The following RBFOX1 variants were observed in gnomAD, a reference collection of about 807,000 sequenced individuals.
RBFOX1 encodes the protein RNA binding protein fox-1 homolog 1.
A neutral mutation model predicts 57.7 loss-of-function variants in RBFOX1; 8 were observed. The observed-to-expected ratio is 0.14, with a 90% confidence interval of 0.08 to 0.25. RBFOX1 has a LOEUF of 0.25. Ranked by LOEUF, RBFOX1 falls within the 10% of genes least tolerant of loss-of-function variation. RBFOX1 has a pLI of 1.00. For synonymous variants in RBFOX1, 326 were observed against 222.4 expected (o/e 1.47, Z -4.15); for missense variants, 611 against 548.5 (o/e 1.11, Z -1.14).
At chr16:7,095,249 G>A (rs1035791772) in intron 4 of RBFOX1, among the ~76,000 whole-genome samples, 7 of 152,070 alleles carry the variant, frequency 4.6e-5, no homozygotes, top group African/African-American at 9.7e-5. Context: ...CGATTCTCCT[G>A]CCTCAGCCTA....
intron 3 of RBFOX1, among the ~76,000 whole-genome samples, chr16:6,973,472 C>T (rs183146230): frequency 6.6e-6 from 1 of 152,230 alleles, no homozygotes; most frequent in East Asian, 1.9e-4. Context: ...CTGTTGTGGA[C>T]CCAACTAGGA....
rs140986322 is a variant in RBFOX1, at chr16:7,409,267, C to G, written c.28-108880C>G. Among the ~76,000 whole-genome samples the G allele has an allele frequency of 4.1e-3, 624 of 152,292 alleles. 9 individuals are homozygous for G. The highest frequency in any genetic ancestry group is 3.3e-3 in the Non-Finnish European group (225 of 68,030). On this transcript the variant is annotated intron_variant, in intron 4 of 15. Transcript: ENST00000550418. ...CCTAATGTCAACCCTGTTAGAGGAG[C>G]TTTGTCCGATCTGCCTGTAGCTTTG...
chr16:7,103,124 C>G (rs1217419110), intron 4 of RBFOX1, among the ~76,000 whole-genome samples: 2 of 151,510 alleles, frequency 1.3e-5, no homozygotes, highest in African/African-American at 4.8e-5. Context: ...GCTTTCCAAG[C>G]TGTCGGACCA....
chr16:7,300,213 C>T (rs1321274216), intron 4 of RBFOX1, among the ~76,000 whole-genome samples: 3 of 152,156 alleles, frequency 2.0e-5, no homozygotes, highest in African/African-American at 7.2e-5. Context: ...TTACTTTCTG[C>T]TGCCCCTCCC....
At chr16:5,625,554 A>ATTTATTTC (rs2048325996) in intron 3 of RBFOX1, among the ~76,000 whole-genome samples, 1 of 150,538 alleles carries the variant, frequency 6.6e-6, no homozygotes, top group Non-Finnish European at 1.5e-5. Flanking sequence ...TTACTTATTT[A>ATTTATTTC]TTTATTTATT....
chr16:7,022,676 G>A (rs2039661701), intron 3 of RBFOX1, among the ~76,000 whole-genome samples: 1 of 152,140 alleles, frequency 6.6e-6, no homozygotes, highest in Non-Finnish European at 1.5e-5. Flanking sequence ...ACATGTAGCA[G>A]ATGAAAGCAG....
chr16:5,868,367 T>A (rs539438671), intron 4 of RBFOX1, among the ~76,000 whole-genome samples: 1 of 152,198 alleles, frequency 6.6e-6, no homozygotes, highest in Non-Finnish European at 1.5e-5. Context: ...TTTTTCAAGT[T>A]CAAGAAATTG....
chr16:7,250,246 GATTAGCC>G (rs370176475), intron 4 of RBFOX1, among the ~76,000 whole-genome samples: 17 of 152,280 alleles, frequency 1.1e-4, no homozygotes, highest in African/African-American at 3.4e-4. Context: ...GACATTTGTG[GATTAGCC>G]ATTAGGTGAA....
chr16:6,628,103 G>A (rs2098334327), intron 2 of RBFOX1, among the ~76,000 whole-genome samples: 1 of 152,176 alleles, frequency 6.6e-6, no homozygotes, highest in African/African-American at 2.4e-5. Flanking sequence ...AGGAGGCAAA[G>A]TTTTTCCACT....
intron 1 of RBFOX1, among the ~76,000 whole-genome samples, chr16:6,217,174 C>CTTTTTTTTTTTTTTT (rs71142697): frequency 8.4e-6 from 1 of 119,058 alleles, no homozygotes; most frequent in Non-Finnish European, 1.6e-5. Flanking sequence ...TTAGGGGATT[C>CTTTTTTTTTTTTTTT]TTTTTTTTTT....
intron 1 of RBFOX1, among the ~76,000 whole-genome samples, chr16:5,454,947 C>CTTTCTTTCTTTCT (rs1567535782): frequency 2.8e-4 from 13 of 45,718 alleles, no homozygotes; most frequent in African/African-American, 9.6e-4. Flanking sequence ...TCCTTCCTTC[C>CTTTCTTTCTTTCT]TTCCTTCCTT....
chr16:7,301,084 T>C (rs921715103), intron 4 of RBFOX1, among the ~76,000 whole-genome samples: 7 of 152,128 alleles, frequency 4.6e-5, no homozygotes, highest in African/African-American at 1.2e-4. Flanking sequence ...TCTTTTGAGA[T>C]GGAATTCAAA....
intron 4 of RBFOX1, among the ~76,000 whole-genome samples, chr16:7,096,022 A>AG (rs953135637): frequency 1.3e-5 from 2 of 151,440 alleles, no homozygotes; most frequent in Non-Finnish European, 2.9e-5. Flanking sequence ...CAAAAAAAAA[A>AG]AAAAAAAGAA....
chr16:5,257,786 C>G (rs982386501), intron 1 of RBFOX1, among the ~76,000 whole-genome samples: 1 of 152,124 alleles, frequency 6.6e-6, no homozygotes, highest in Admixed American at 6.5e-5. Flanking sequence ...TACTTTGTCT[C>G]GACTTCCTCT....
chr16:6,880,364 A>G (rs1443076645), intron 3 of RBFOX1, among the ~76,000 whole-genome samples: 1 of 152,168 alleles, frequency 6.6e-6, no homozygotes, highest in African/African-American at 2.4e-5. Context: ...TTAGTATTAT[A>G]CTTTCCACTT....
At chr16:7,507,623 G>A (rs1318338258) in intron 4 of RBFOX1, among the ~76,000 whole-genome samples, 4 of 145,712 alleles carry the variant, frequency 2.7e-5, no homozygotes, top group African/African-American at 1.0e-4. Flanking sequence ...GAGTGCAGTG[G>A]CGCGATCTTG....
Position 5,594,950 on chromosome 16 carries a change from G to C in RBFOX1, c.259-3952G>C, listed in dbSNP as rs1360503677. On this transcript the variant is annotated intron_variant, in intron 2 of 2. Transcript: ENST00000585867. The stretch of plus-strand genomic sequence containing the variant: ...AGTTGGAGACCAGCCTGGCCAACAT[G>C]GTAAAACCCTGTCTCTACTAAAAAA... Among the ~76,000 whole-genome samples the C allele has an allele frequency of 3.7e-5, 5 of 135,574 alleles. No homozygotes were observed. The Admixed American group carries it at 4.0e-4, about 11-fold the overall frequency. 88.9% of individuals were successfully genotyped at this position (135,574 alleles called of 152,430 possible). A position where few individuals can be genotyped will look rare whatever the true frequency, so the allele number is the denominator to read the frequency against.
At chr16:7,321,208 G>A (rs571037944) in intron 4 of RBFOX1, among the ~76,000 whole-genome samples, 22 of 152,054 alleles carry the variant, frequency 1.4e-4, no homozygotes, top group Non-Finnish European at 2.4e-4. Flanking sequence ...GCAGTGGTGC[G>A]ATCTCATCTC....
chr16:7,193,295 G>T lies in RBFOX1; in HGVS notation c.27+141197G>T, dbSNP rs1051678512. Among the ~76,000 whole-genome samples, 15 of 152,246 alleles carry T rather than the reference G, an allele frequency of 9.9e-5. No individual in the cohort carries two copies. The East Asian group carries it at 2.9e-3, about 29-fold the overall frequency. On this transcript the variant is annotated intron_variant, in intron 4 of 15. Transcript: ENST00000550418. ...GGAAGGAAGCCATGAGCCAAAAGCA[G>T]CAGGCTGCCGCTAGAGTCTAGAAAA...
Sources: allele counts gnomAD v4.1 joint callset (sites outside exome capture counted in the v4.1 genomes callset), GRCh38; gene constraint gnomAD v4.1.1; transcripts MANE v1.5; gene names NCBI Gene and HGNC (gene_info 2026-07-23, HGNC 2026-07-21).